Variants in GFRAL observed in about 807,000 individuals in gnomAD.
GFRAL encodes GDNF family receptor alpha like, also known as GDNF family receptor alpha-like.
In GFRAL, 36 loss-of-function variants were observed where a neutral mutation model predicts 45.4. That is an observed-to-expected ratio of 0.79 (90% confidence interval 0.61 to 1.05). GFRAL has a LOEUF of 1.05. Among genes scored for constraint, GFRAL ranks in the 50% least tolerant of loss-of-function variants. The pLI is 0.00. For missense variants in GFRAL, 507 were observed against 467.5 expected (o/e 1.08, Z -0.78); for synonymous variants, 166 against 154.1 (o/e 1.08, Z -0.57).
Position 55,395,179 on chromosome 6 carries a change from T to A in GFRAL, c.953-4001T>A, listed in dbSNP as rs1245250010. Among the ~76,000 whole-genome samples the A allele has an allele frequency of 1.8e-3, 256 of 139,054 alleles. 1 individual carries two copies. The highest frequency in any genetic ancestry group is 7.8e-3 in the South Asian group (36 of 4,590). 91.2% of individuals were successfully genotyped at this position (139,054 alleles called of 152,430 possible). A position where few individuals can be genotyped will look rare whatever the true frequency, so the allele number is the denominator to read the frequency against. ...AGCCTATGGAAAAAAAAAAAAAATATATATATATATATATAAGCCAGCTAG... is the reference window on the plus strand; with the variant it reads ...AGCCTATGGAAAAAAAAAAAAAATAAATATATATATATATAAGCCAGCTAG... On this transcript the variant is annotated intron_variant, in intron 6 of 8. Coordinates refer to ENST00000340465, the MANE Select transcript of GFRAL (RefSeq NM_207410.2).
rs561034161 is a variant in GFRAL at position 55,357,501 on chromosome 6, C to A, written c.702-1387C>A. Among the ~76,000 whole-genome samples the A allele has an allele frequency of 4.0e-5, 6 of 151,362 alleles. No homozygotes were observed. The South Asian group carries it at 1.2e-3, about 31-fold the overall frequency. ...GCTACTCCTGCTTCTTTTTTTGGTT[C>A]CATTGGCATAGAATATCTTTTTCCA... is the stretch of plus-strand genomic sequence containing the variant. On this transcript the variant is annotated intron_variant, in intron 5 of 8. Coordinates refer to ENST00000340465, the MANE Select transcript of GFRAL (RefSeq NM_207410.2).
At chr6:55,365,754 G>T (rs373796723) in intron 6 of GFRAL, among the ~76,000 whole-genome samples, 3,813 of 149,922 alleles carry the variant, frequency 0.025, 59 homozygotes, top group African/African-American at 0.045. Flanking sequence ...ATTGATTTGT[G>T]TATATTGAAC....
At position 55,351,439 on chromosome 6, in the gene GFRAL, T is replaced by A. The variant is rs1768115921; in HGVS notation, c.557T>A (p.Leu186Ter). 1.2e-6 allele frequency: 2 copies of A among 1,613,628 alleles called. No homozygotes were observed. The highest frequency in any genetic ancestry group is 1.7e-6 in the Non-Finnish European group (2 of 1,179,792). ...QNIPFNIAQMLAFCDCAQSDI... is the reference protein window; with the variant it reads ...QNIPFNIAQM ...ATACCTTTTAACATTGCCCAGATGT[T>A]GGCTTTTTGTGACTGTGCTCAATCT... The change falls in exon 5 of 9, where the codon TTG becomes TAG. Residue 186 changes from leucine (L) to a stop codon, truncating the protein, a stop_gained. Coordinates refer to ENST00000340465, the MANE Select transcript of GFRAL (RefSeq NM_207410.2). LOFTEE classifies it high-confidence loss of function.
intron 5 of GFRAL, 50 bp downstream of exon 5, chr6:55,351,633 T>C: frequency 7.3e-7 from 1 of 1,360,928 alleles, no homozygotes; most frequent in East Asian, 2.3e-5. Context: ...ACCTTATTTG[T>C]TATAGTCCAG....
intron 2 of GFRAL, among the ~76,000 whole-genome samples, chr6:55,332,876 G>GA (rs1252871703): frequency 6.6e-6 from 1 of 151,690 alleles, no homozygotes; most frequent in Non-Finnish European, 1.5e-5. Context: ...TAAGTAAATA[G>GA]AATAAACTGT....
chr6:55,339,582 G>A (rs1441630772), intron 3 of GFRAL, among the ~76,000 whole-genome samples: 2 of 152,038 alleles, frequency 1.3e-5, no homozygotes, highest in African/African-American at 2.4e-5. Flanking sequence ...TTTTAAATAG[G>A]AAAAGAAACT....
Position 55,350,150 on chromosome 6 carries a change from T to A in GFRAL, c.370+5T>A, listed in dbSNP as rs1208702176. The A allele has an allele frequency of 1.3e-6, 2 of 1,503,624 alleles. No individual in the cohort carries two copies. The highest frequency in any genetic ancestry group is 1.8e-6 in the Non-Finnish European group (2 of 1,081,666). The allele number at this position is 1,503,624 out of a possible 1,614,324, so 93.1% of individuals were successfully genotyped here. A position where few individuals can be genotyped will look rare whatever the true frequency, so the allele number is the denominator to read the frequency against. On this transcript the variant is annotated splice_donor_5th_base_variant and intron_variant, in intron 4 of 8. Transcript: ENST00000340465. ...TAACTACACGTTCCCATCATGGTAATGTTTTTAAGTTATTATTTTGATCTG... is the reference window on the plus strand; with the variant it reads ...TAACTACACGTTCCCATCATGGTAAAGTTTTTAAGTTATTATTTTGATCTG...
chr6:55,391,029 C>T (rs762684062), intron 6 of GFRAL, among the ~76,000 whole-genome samples: 61 of 151,714 alleles, frequency 4.0e-4, no homozygotes, highest in Non-Finnish European at 7.7e-4. Context: ...TAATCTATCG[C>T]AATACCCTTT....
At chr6:55,352,511 A>G (rs190239387) in intron 5 of GFRAL, among the ~76,000 whole-genome samples, 1 of 152,148 alleles carries the variant, frequency 6.6e-6, no homozygotes, top group African/African-American at 2.4e-5. Flanking sequence ...TAAGATGGCC[A>G]TTTTGAGCTG....
At chr6:55,331,150 A>T (rs1767823486) in intron 1 of GFRAL, among the ~76,000 whole-genome samples, 1 of 152,190 alleles carries the variant, frequency 6.6e-6, no homozygotes, top group Non-Finnish European at 1.5e-5. Flanking sequence ...TCAAACCATA[A>T]GAGTACATGG....
At chr6:55,401,115 C>T (rs1386151212) in intron 8 of GFRAL, among the ~76,000 whole-genome samples, 1 of 152,132 alleles carries the variant, frequency 6.6e-6, no homozygotes, top group Admixed American at 6.5e-5. Flanking sequence ...GCAGTGGGGG[C>T]ATTATTATTA....
intron 6 of GFRAL, among the ~76,000 whole-genome samples, chr6:55,397,236 CGGCCGGGCGCGG>C (rs1768837779): frequency 6.6e-6 from 1 of 151,384 alleles, no homozygotes; most frequent in African/African-American, 2.4e-5. Context: ...AAAAAAATGC[CGGCCGGGCGCGG>C]TGGCTCACGC....
chr6:55,397,074 G>T (rs1042015386), intron 6 of GFRAL, among the ~76,000 whole-genome samples: 8 of 151,912 alleles, frequency 5.3e-5, no homozygotes, highest in Non-Finnish European at 1.5e-5. Flanking sequence ...ATGGGGTCTT[G>T]CTATGTTGGC....
intron 6 of GFRAL, among the ~76,000 whole-genome samples, chr6:55,396,288 T>TA (rs1561868824): frequency 7.9e-5 from 12 of 152,196 alleles, no homozygotes; most frequent in African/African-American, 2.9e-4. Flanking sequence ...ATGAGTTCCA[T>TA]GTGAGAGAAA....
In GFRAL at chr6:55,379,036, C is replaced by A. The variant is rs78565764; in HGVS notation, c.952+19898C>A. ...AGCCCAAGGTGTCTGTGTTGTAACTCTCCTATTAAGTTCTTGCCAGAGACT... is the reference window on the plus strand; with the variant it reads ...AGCCCAAGGTGTCTGTGTTGTAACTATCCTATTAAGTTCTTGCCAGAGACT... On this transcript the variant is annotated intron_variant, in intron 6 of 8. Transcript: ENST00000340465. Among the ~76,000 whole-genome samples the A allele has an allele frequency of 6.2e-3, 936 of 152,168 alleles. 10 individuals are homozygous for A. Among genetic ancestry groups the A allele is most frequent in the African/African-American group, 0.021 (880 of 41,530 alleles).
At chr6:55,346,555 G>T (rs558539621) in intron 3 of GFRAL, among the ~76,000 whole-genome samples, 1 of 152,040 alleles carries the variant, frequency 6.6e-6, no homozygotes, top group East Asian at 1.9e-4. Context: ...GGTGGTAGGA[G>T]GGGGGAGGGA....
chr6:55,387,006 G>A (rs1292193929), intron 6 of GFRAL, among the ~76,000 whole-genome samples: 1 of 152,110 alleles, frequency 6.6e-6, no homozygotes, highest in Non-Finnish European at 1.5e-5. Context: ...CTACTCTAAA[G>A]GCATAGGTGT....
At chr6:55,346,241 C>T (rs944131058) in intron 3 of GFRAL, among the ~76,000 whole-genome samples, 9 of 152,210 alleles carry the variant, frequency 5.9e-5, no homozygotes, top group African/African-American at 2.2e-4. Flanking sequence ...CACATGCACA[C>T]GTATGTTTAC....
intron 1 of GFRAL, among the ~76,000 whole-genome samples, chr6:55,329,338 G>C (rs973030581): frequency 6.6e-6 from 1 of 151,958 alleles, no homozygotes; most frequent in Non-Finnish European, 1.5e-5. Context: ...AAATGTGAAA[G>C]GAAGTAAAAC....
Sources: allele counts gnomAD v4.1 joint callset (sites outside exome capture counted in the v4.1 genomes callset), GRCh38; gene constraint gnomAD v4.1.1; transcripts MANE v1.5; gene names NCBI Gene and HGNC (gene_info 2026-07-23, HGNC 2026-07-21).